The following GRIK1 variants were observed in gnomAD, a reference collection of about 807,000 sequenced individuals.
GRIK1 encodes the protein glutamate receptor ionotropic, kainate 1.
In GRIK1, 69 loss-of-function variants were observed where a neutral mutation model predicts 105.7. That is an observed-to-expected ratio of 0.65 (90% CI 0.54 to 0.80). The LOEUF is 0.80. Ranked by LOEUF, GRIK1 falls within the 30% of genes least tolerant of loss-of-function variation. The pLI, the probability that GRIK1 is intolerant of heterozygous loss-of-function variation, is 0.00. For synonymous variants in GRIK1, 438 were observed against 431.3 expected (o/e 1.02, Z -0.19); for missense variants, 1,109 against 1,167.3 (o/e 0.95, Z 0.73).
At position 29,694,025 on chromosome 21, in the gene GRIK1, C is replaced by T. The variant is rs767597978; in HGVS notation, c.157G>A (p.Val53Ile). 1.2e-6 allele frequency: 2 copies of T among 1,612,306 alleles called. No homozygotes were observed. Among genetic ancestry groups the T allele is most frequent in the East Asian group, 2.2e-5 (1 of 44,792 alleles). The part of the protein sequence containing the change: ...FETVENEPVN[V>I]EELAFKFAVT... The stretch of plus-strand genomic sequence containing the variant: ...GCAAACTTGAAAGCTAATTCTTCAA[C>T]ATTAACAGGCTCATTTTCCACTGTT... Residue 53 changes from valine (V) to isoleucine (I), a missense_variant, in exon 2 of 18, where the codon GTT becomes ATT. By Grantham distance (29) the Val-to-Ile change is conservative. Around this residue, in one of 5 missense-constraint regions of GRIK1, gnomAD observed 612 missense variants for 586.0 expected, o/e 1.04. Coordinates refer to ENST00000327783, the MANE Select transcript of GRIK1 (RefSeq NM_001330994.2).
chr21:29,762,543 A>G (rs976778767), intron 1 of GRIK1, among the ~76,000 whole-genome samples: 1 of 152,206 alleles, frequency 6.6e-6, no homozygotes, highest in African/African-American at 2.4e-5. Flanking sequence ...AATTCCAACT[A>G]TAATAGGAAA....
In GRIK1 at chr21:29,731,366, G is replaced by T. The variant is rs577368597; in HGVS notation, c.119-37303C>A. Among the ~76,000 whole-genome samples the T allele has an allele frequency of 3.3e-5, 5 of 152,268 alleles. No homozygotes were observed. The South Asian group carries it at 1.0e-3, about 32-fold the overall frequency. Reference sequence around the variant, plus strand: ...CATAACCTTAGCTCTTGAGCAGTTTGCTTTTACTTTGACTTGACCACATCC... The same window carrying T: ...CATAACCTTAGCTCTTGAGCAGTTTTCTTTTACTTTGACTTGACCACATCC... On this transcript the variant is annotated intron_variant, in intron 1 of 17. Coordinates refer to ENST00000327783, the MANE Select transcript of GRIK1 (RefSeq NM_001330994.2).
chr21:29,896,730 A>G (rs2070177040), intron 1 of GRIK1, among the ~76,000 whole-genome samples: 1 of 152,212 alleles, frequency 6.6e-6, no homozygotes, highest in African/African-American at 2.4e-5. Context: ...AGAATGAATG[A>G]ACTGACCAAT....
chr21:29,797,054 T>C (rs899505299), intron 1 of GRIK1, among the ~76,000 whole-genome samples: 1 of 152,034 alleles, frequency 6.6e-6, no homozygotes, highest in Non-Finnish European at 1.5e-5. Context: ...TAAATAGCCA[T>C]AGCAGAAGGT....
intron 1 of GRIK1, among the ~76,000 whole-genome samples, chr21:29,816,544 G>A (rs1471682937): frequency 6.6e-6 from 1 of 152,052 alleles, no homozygotes; most frequent in Admixed American, 6.6e-5. Context: ...AACCCTCAGT[G>A]TCCAACAACA....
chr21:29,841,145 C>T (rs2067970637), intron 1 of GRIK1, among the ~76,000 whole-genome samples: 1 of 152,160 alleles, frequency 6.6e-6, no homozygotes, highest in Non-Finnish European at 1.5e-5. Context: ...TGTACACACA[C>T]ACTACCGTAA....
chr21:29,724,519 G>T (rs996600099), intron 1 of GRIK1, among the ~76,000 whole-genome samples: 2 of 152,188 alleles, frequency 1.3e-5, no homozygotes, highest in African/African-American at 4.8e-5. Context: ...GTTAAAATAT[G>T]CAAGAACTGG....
chr21:29,628,560 C>G (rs1199857156), intron 7 of GRIK1, among the ~76,000 whole-genome samples: 1 of 152,138 alleles, frequency 6.6e-6, no homozygotes, highest in East Asian at 1.9e-4. Flanking sequence ...AGAATACACA[C>G]CTGGGTTTTC....
intron 1 of GRIK1, chr21:29,759,989 C>T (rs1278254937): frequency 2.0e-5 from 3 of 152,130 alleles, no homozygotes; most frequent in Non-Finnish European, 2.9e-5. Context: ...ATTGGTTGTC[C>T]ATAATAATCT....
chr21:29,866,158 C>A (rs981286505), intron 1 of GRIK1, among the ~76,000 whole-genome samples: 4 of 152,084 alleles, frequency 2.6e-5, no homozygotes, highest in Admixed American at 1.3e-4. Context: ...CCTCAACCTC[C>A]CAGGTTCAAT....
chr21:29,588,047 T>C (rs934959647), intron 11 of GRIK1, among the ~76,000 whole-genome samples: 2 of 136,602 alleles, frequency 1.5e-5, no homozygotes, highest in African/African-American at 5.5e-5. Flanking sequence ...CAATCTCGGC[T>C]CACTGCAAGA....
At chr21:29,614,402 CTTTTTTTTTTTTTTT>C (rs35063316) in intron 7 of GRIK1, among the ~76,000 whole-genome samples, 14 of 83,086 alleles carry the variant, frequency 1.7e-4, no homozygotes, top group South Asian at 5.0e-4. Context: ...TAAAATCCCT[CTTTTTTTTTTTTTTT>C]TTTTTTTTTT....
intron 1 of GRIK1, among the ~76,000 whole-genome samples, chr21:29,812,525 T>C (rs145470954): frequency 5.9e-5 from 9 of 152,178 alleles, no homozygotes; most frequent in Non-Finnish European, 8.8e-5. Context: ...GATAGCTACA[T>C]GTTCTAACAT....
At chr21:29,921,028 C>T (rs1446744100) in intron 1 of GRIK1, among the ~76,000 whole-genome samples, 1 of 152,142 alleles carries the variant, frequency 6.6e-6, no homozygotes, top group East Asian at 1.9e-4. Flanking sequence ...TAAAATTCAA[C>T]CTCAGCACTG....
chr21:29,867,139 A>G (rs1481882388), intron 1 of GRIK1, among the ~76,000 whole-genome samples: 1 of 152,178 alleles, frequency 6.6e-6, no homozygotes, highest in Non-Finnish European at 1.5e-5. Context: ...TTCTGGGTGC[A>G]GGTAGTGACT....
chr21:29,937,886 A>T (rs1248239482), intron 1 of GRIK1, among the ~76,000 whole-genome samples: 1 of 152,248 alleles, frequency 6.6e-6, no homozygotes, highest in East Asian at 1.9e-4. Flanking sequence ...GATAAAGGAT[A>T]TTTCAGTTAT....
chr21:29,736,978 C>A (rs1160558213), intron 1 of GRIK1, among the ~76,000 whole-genome samples: 1 of 152,114 alleles, frequency 6.6e-6, no homozygotes, highest in Non-Finnish European at 1.5e-5. Context: ...CATGCTCAAC[C>A]CGACATTTTC....
intron 1 of GRIK1, among the ~76,000 whole-genome samples, chr21:29,722,255 AAAC>A (rs1272134488): frequency 6.6e-6 from 1 of 152,142 alleles, no homozygotes; most frequent in Non-Finnish European, 1.5e-5. Flanking sequence ...ACTTTCTTCT[AAAC>A]AACAGCCTGG....
chr21:29,550,468 C>A (rs2090115761), intron 16 of GRIK1, among the ~76,000 whole-genome samples: 1 of 152,182 alleles, frequency 6.6e-6, no homozygotes, highest in Non-Finnish European at 1.5e-5. Context: ...CTTAGTGGTT[C>A]TCAGCGTTTC....
Sources: allele counts gnomAD v4.1 joint callset (sites outside exome capture counted in the v4.1 genomes callset), GRCh38; gene constraint gnomAD v4.1.1; regional missense constraint gnomAD v4.1.1; transcripts MANE v1.5; gene names NCBI Gene and HGNC (gene_info 2026-07-23, HGNC 2026-07-21).